SOX6: variants seen among roughly 807,000 people sequenced by gnomAD.
SOX6 encodes the protein transcription factor SOX-6.
A neutral mutation model predicts 97.8 loss-of-function variants in SOX6; 11 were observed. That is an observed-to-expected ratio of 0.11 (90% confidence interval 0.07 to 0.19). The LOEUF (loss-of-function observed/expected upper bound fraction) is 0.19. Among genes scored for constraint, SOX6 ranks in the 10% least tolerant of loss-of-function variants. The pLI, the probability that SOX6 is intolerant of heterozygous loss-of-function variation, is 1.00. For missense variants in SOX6, 810 were observed against 1,039.5 expected, an observed-to-expected ratio of 0.78 and a Z score of 3.04; for synonymous variants, 360 against 371.4, an observed-to-expected ratio of 0.97 and a Z score of 0.35.
intron 13 of SOX6, among the ~76,000 whole-genome samples, chr11:16,008,096 C>T (rs987545103): frequency 2.6e-5 from 4 of 152,074 alleles, no homozygotes; most frequent in Admixed American, 2.0e-4. Context: ...TATCCTCCCA[C>T]ATACCTGAAA....
At chr11:16,322,517 A>G (rs1027747960) in intron 2 of SOX6, among the ~76,000 whole-genome samples, 3 of 152,176 alleles carry the variant, frequency 2.0e-5, no homozygotes, top group Non-Finnish European at 4.4e-5. Flanking sequence ...TCTTTATAGC[A>G]GTGTGAGAAT....
intron 13 of SOX6, among the ~76,000 whole-genome samples, chr11:16,006,432 G>A (rs1854556792): frequency 6.6e-6 from 1 of 152,074 alleles, no homozygotes; most frequent in African/African-American, 2.4e-5. Context: ...TTAATTGCAA[G>A]TGTGTGCAAG....
At chr11:16,549,537 C>A (rs1847658678) in intron 4 of SOX6, among the ~76,000 whole-genome samples, 1 of 152,190 alleles carries the variant, frequency 6.6e-6, no homozygotes, top group Non-Finnish European at 1.5e-5. Context: ...GTGGAAACTT[C>A]TTTGGCAGTT....
chr11:16,420,002 T>C (rs1858995259), intron 1 of SOX6, among the ~76,000 whole-genome samples: 1 of 152,216 alleles, frequency 6.6e-6, no homozygotes, highest in Non-Finnish European at 1.5e-5. Context: ...AACTCAAAAG[T>C]AATTCTACAA....
intron 4 of SOX6, among the ~76,000 whole-genome samples, chr11:16,579,159 C>A (rs558897758): frequency 1.3e-5 from 2 of 152,110 alleles, no homozygotes; most frequent in South Asian, 4.2e-4. Context: ...AACATGAACA[C>A]ATAGCAACAC....
chr11:16,321,554 C>A (rs1194699693), intron 2 of SOX6, among the ~76,000 whole-genome samples: 6 of 151,992 alleles, frequency 3.9e-5, no homozygotes. Flanking sequence ...GACTATGTTA[C>A]TTGTTGTTTA....
intron 3 of SOX6, among the ~76,000 whole-genome samples, chr11:16,266,772 C>T (rs889068041): frequency 1.3e-5 from 2 of 151,244 alleles, no homozygotes; most frequent in African/African-American, 4.8e-5. Flanking sequence ...CAAAATAATG[C>T]AACAGAAAGT....
chr11:16,118,393 A>ACAG (rs1302350744), intron 6 of SOX6, among the ~76,000 whole-genome samples: 1 of 152,274 alleles, frequency 6.6e-6, no homozygotes, highest in Non-Finnish European at 1.5e-5. Context: ...GAGAATCAAG[A>ACAG]CAGCAGCAGA....
rs535276524 is a variant in SOX6, at chr11:16,593,951, T to C, written n.609+18130A>G. Reference sequence around the variant, plus strand: ...TCATGTACAATATAAAGGGGTATACTTTTTATATGCTCTATTTACACAGCT... The same window carrying C: ...TCATGTACAATATAAAGGGGTATACCTTTTATATGCTCTATTTACACAGCT... On this transcript the variant is annotated intron_variant and non_coding_transcript_variant, in intron 4 of 5. Coordinates refer to the SOX6 transcript ENST00000524520. Among the ~76,000 whole-genome samples the C allele has an allele frequency of 3.3e-5, 5 of 152,370 alleles. No individual in the cohort carries two copies. In the East Asian group the frequency reaches 9.6e-4, roughly 29 times the overall value.
In SOX6 at chr11:16,199,552, A is replaced by T. The variant is rs533118693; in HGVS notation, c.536-12597T>A. Among the ~76,000 whole-genome samples, 10 of 152,302 alleles carry T rather than the reference A, an allele frequency of 6.6e-5. No individual in the cohort carries two copies. The South Asian group carries it at 1.4e-3, about 22-fold the overall frequency. Reference sequence around the variant, plus strand: ...TGTTTCTGGAAAAAAGAGAAATTTTAAAAAAAGTTAACTAGTTTAAGACAA... The same window carrying T: ...TGTTTCTGGAAAAAAGAGAAATTTTTAAAAAAGTTAACTAGTTTAAGACAA... On this transcript the variant is annotated intron_variant, in intron 4 of 15. Transcript: ENST00000683767.
chr11:16,519,400 C>T (rs1231922393), intron 4 of SOX6, among the ~76,000 whole-genome samples: 2 of 152,086 alleles, frequency 1.3e-5, no homozygotes. Context: ...ATCTTTGTAT[C>T]CACATGTACT....
At position 16,103,669 on chromosome 11, in the gene SOX6, A is replaced by G. The variant is rs12573947; in HGVS notation, c.899-5981T>C. Among the ~76,000 whole-genome samples the G allele has an allele frequency of 2.7e-4, 41 of 152,056 alleles. No homozygotes were observed. In the East Asian group the frequency reaches 7.5e-3, roughly 28 times the overall value. On this transcript the variant is annotated intron_variant, in intron 7 of 15. Transcript: ENST00000683767. ...TAAAGAAAATGTGGTATATATATATATACACCATGGAATACTACTCAGCCA... is the reference window on the plus strand; with the variant it reads ...TAAAGAAAATGTGGTATATATATATGTACACCATGGAATACTACTCAGCCA...
intron 10 of SOX6, among the ~76,000 whole-genome samples, chr11:16,053,724 T>C (rs974929097): frequency 1.3e-5 from 2 of 152,132 alleles, no homozygotes; most frequent in Non-Finnish European, 2.9e-5. Context: ...AGATCATCTA[T>C]ATTTATTTTT....
At chr11:16,088,399 C>T (rs1848619207) in intron 9 of SOX6, among the ~76,000 whole-genome samples, 1 of 152,140 alleles carries the variant, frequency 6.6e-6, no homozygotes, top group Non-Finnish European at 1.5e-5. Context: ...ATTATACTCT[C>T]ATACAGAATA....
chr11:16,072,456 C>G (rs1305124492), intron 9 of SOX6, among the ~76,000 whole-genome samples: 1 of 151,896 alleles, frequency 6.6e-6, no homozygotes, highest in African/African-American at 2.4e-5. Context: ...TGTAAAGAGA[C>G]CAAATCTATG....
chr11:16,000,283 A>T (rs1216544365), intron 13 of SOX6, among the ~76,000 whole-genome samples: 1 of 152,242 alleles, frequency 6.6e-6, no homozygotes, highest in East Asian at 1.9e-4. Context: ...CTTAATCATT[A>T]AGGAAGTGAG....
At position 16,502,832 on chromosome 11, in the gene SOX6, A is replaced by G. The variant is rs185209146; in HGVS notation, n.610-26444T>C. Among the ~76,000 whole-genome samples the G allele has an allele frequency of 3.3e-5, 5 of 152,332 alleles. No individual in the cohort carries two copies. The East Asian group carries it at 7.7e-4, about 23-fold the overall frequency. On this transcript the variant is annotated intron_variant and non_coding_transcript_variant, in intron 4 of 5. Transcript: ENST00000524520. ...TCATAGCTAAAAACTCCCCACATCT[A>G]GCAAGAGAATTAGACATCCAGATAT...
At chr11:16,025,073 T>C (rs925241990) in intron 12 of SOX6, among the ~76,000 whole-genome samples, 3 of 152,162 alleles carry the variant, frequency 2.0e-5, no homozygotes, top group Non-Finnish European at 4.4e-5. Flanking sequence ...AGGATTATAG[T>C]GCTTACTGAA....
chr11:16,473,590 C>T (rs1457241900), intron 1 of SOX6, among the ~76,000 whole-genome samples: 5 of 145,096 alleles, frequency 3.4e-5, no homozygotes, highest in Non-Finnish European at 6.0e-5. Context: ...CTTGCTCTGT[C>T]GCCCAGGTTG....
Sources: gnomAD v4.1 joint callset for allele counts (sites outside exome capture counted in the v4.1 genomes callset) on GRCh38, gnomAD v4.1.1 for gene constraint, MANE v1.5 for transcripts, NCBI Gene and HGNC (gene_info 2026-07-23, HGNC 2026-07-21) for gene names.